The following ROBO2 variants were observed in gnomAD, a reference collection of about 807,000 sequenced individuals.
ROBO2 encodes the protein roundabout guidance receptor 2.
A neutral mutation model predicts 160.8 loss-of-function variants in ROBO2; 53 were observed. The observed-to-expected ratio is 0.33, with a 90% CI of 0.26 to 0.41. The LOEUF is 0.41. ROBO2 is among the 10% of genes least tolerant of loss of function. The probability of loss-of-function intolerance (pLI) is 1.00; values close to 1 mark genes in which losing one functional copy is unlikely to be tolerated. For missense variants in ROBO2, 1,577 were observed against 1,722.4 expected, an observed-to-expected ratio of 0.92 and a Z score of 1.49; for synonymous variants, 664 against 611.7, an observed-to-expected ratio of 1.09 and a Z score of -1.26.
At chr3:76,992,072 A>G (rs1039119587) in intron 2 of ROBO2, among the ~76,000 whole-genome samples, 1 of 152,096 alleles carries the variant, frequency 6.6e-6, no homozygotes, top group Non-Finnish European at 1.5e-5. Context: ...CACCCAGAAC[A>G]TAGACCTTGT....
At chr3:76,946,461 G>A (rs543071295) in intron 2 of ROBO2, among the ~76,000 whole-genome samples, 1 of 151,930 alleles carries the variant, frequency 6.6e-6, no homozygotes, top group African/African-American at 2.4e-5. Context: ...TTTTTGAGAT[G>A]GAGTCTTACT....
chr3:76,527,928 A>G (rs1350484166), intron 2 of ROBO2, among the ~76,000 whole-genome samples: 1 of 152,074 alleles, frequency 6.6e-6, no homozygotes. Flanking sequence ...CTAAGGCAAG[A>G]GTGTGCCTGT....
intron 2 of ROBO2, among the ~76,000 whole-genome samples, chr3:77,009,708 A>G (rs1168718320): frequency 6.6e-6 from 1 of 152,090 alleles, no homozygotes; most frequent in Non-Finnish European, 1.5e-5. Flanking sequence ...CCATAATCCC[A>G]GCACTTTGGG....
intron 2 of ROBO2, among the ~76,000 whole-genome samples, chr3:76,271,541 T>C (rs1429530192): frequency 6.7e-6 from 1 of 150,278 alleles, no homozygotes; most frequent in East Asian, 1.9e-4. Context: ...ATAATACCTG[T>C]CACTCTGCAA....
intron 2 of ROBO2, among the ~76,000 whole-genome samples, chr3:77,138,682 G>T (rs958308051): frequency 1.3e-5 from 2 of 151,948 alleles, no homozygotes; most frequent in Non-Finnish European, 2.9e-5. Flanking sequence ...TTAATGTTCC[G>T]TTTTAGTTCT....
At chr3:76,224,438 A>G (rs1057378080) in intron 2 of ROBO2, among the ~76,000 whole-genome samples, 1 of 152,136 alleles carries the variant, frequency 6.6e-6, no homozygotes, top group Admixed American at 6.5e-5. Context: ...GCTCAAGAAG[A>G]TGGAGAAAAT....
At chr3:77,175,624 C>G (rs868388103) in intron 2 of ROBO2, among the ~76,000 whole-genome samples, 11 of 151,876 alleles carry the variant, frequency 7.2e-5, no homozygotes, top group Middle Eastern at 6.3e-3. Flanking sequence ...AAGCCTAAAT[C>G]AGGAAGGTGA....
Position 76,086,218 on chromosome 3 carries a change from G to T in ROBO2, c.109+148616G>T, listed in dbSNP as rs1168882417. 5.3e-5 allele frequency among the ~76,000 whole-genome samples: 8 copies of T among 152,206 alleles called. No homozygotes were observed. In the East Asian group the frequency reaches 1.5e-3, roughly 29 times the overall value. ...GGGAAGCAAACACATCTTTCTTCAT[G>T]TGGTGGCAGCAAGAAGTGAAAGCGA... On this transcript the variant is annotated intron_variant, in intron 2 of 26. Transcript: ENST00000487694.
chr3:77,177,907 C>T (rs951701763), intron 2 of ROBO2, among the ~76,000 whole-genome samples: 2 of 152,020 alleles, frequency 1.3e-5, no homozygotes, highest in African/African-American at 4.8e-5. Context: ...TTATGCTTCC[C>T]ATTCATACTT....
At chr3:77,480,860 G>A (rs369635250) in intron 3 of ROBO2, among the ~76,000 whole-genome samples, 13 of 152,180 alleles carry the variant, frequency 8.5e-5, no homozygotes, top group South Asian at 4.1e-4. Context: ...CTCAAAATGC[G>A]ATCAGGAAAG....
Position 76,735,759 on chromosome 3 carries a change from CAAAA to C in ROBO2, c.110-362242_110-362239del, listed in dbSNP as rs60229835. ...AGGGTGACGGAGGGAGACCCTGTCT[CAAAA>C]AAAAAAAAAAAAGAAAAAAAAAAGG... On this transcript the variant is annotated intron_variant, in intron 2 of 26. Coordinates refer to the ROBO2 transcript ENST00000487694. Among the ~76,000 whole-genome samples, 335 of 43,818 alleles carry C rather than the reference CAAAA, an allele frequency of 7.6e-3. 7 individuals carry two copies. Among genetic ancestry groups the C allele is most frequent in the African/African-American group, 0.032 (307 of 9,670 alleles). The allele number at this position is 43,818 out of a possible 152,430, so 28.7% of individuals were successfully genotyped here.
chr3:76,211,735 A>G (rs986409), intron 2 of ROBO2, among the ~76,000 whole-genome samples: 92,467 of 151,822 alleles, frequency 0.61, 28,463 homozygotes, highest in African/African-American at 0.67. Context: ...ACACTGTTTT[A>G]TTTCATAATT....
intron 2 of ROBO2, among the ~76,000 whole-genome samples, chr3:76,855,165 C>T (rs2148571147): frequency 6.6e-6 from 1 of 152,304 alleles, no homozygotes; most frequent in East Asian, 1.9e-4. Flanking sequence ...TATGGTTTCT[C>T]ATTTCTAAGC....
chr3:76,142,906 G>A (rs958130509), intron 2 of ROBO2, among the ~76,000 whole-genome samples: 8 of 151,678 alleles, frequency 5.3e-5, no homozygotes, highest in Non-Finnish European at 8.8e-5. Flanking sequence ...AAACATCTTC[G>A]CATGCCTCAT....
At chr3:76,996,029 G>T in intron 2 of ROBO2, among the ~76,000 whole-genome samples, 1 of 152,150 alleles carries the variant, frequency 6.6e-6, no homozygotes, top group Non-Finnish European at 1.5e-5. Context: ...CCTTGCCCAT[G>T]CCTATGTCCT....
At chr3:77,076,247 G>A (rs868812940) in intron 1 of ROBO2, among the ~76,000 whole-genome samples, 2 of 151,856 alleles carry the variant, frequency 1.3e-5, no homozygotes, top group Non-Finnish European at 2.9e-5. Flanking sequence ...GATGGTTATT[G>A]TCCATTTTAG....
intron 2 of ROBO2, among the ~76,000 whole-genome samples, chr3:77,415,883 T>C (rs2077176061): frequency 6.6e-6 from 1 of 152,196 alleles, no homozygotes; most frequent in African/African-American, 2.4e-5. Context: ...TTACAGCTTA[T>C]TCATGTTACA....
intron 2 of ROBO2, among the ~76,000 whole-genome samples, chr3:76,258,085 T>A (rs1706516825): frequency 6.6e-6 from 1 of 152,066 alleles, no homozygotes; most frequent in Non-Finnish European, 1.5e-5. Flanking sequence ...TAGTTTTTTT[T>A]ATCCTAACAT....
intron 2 of ROBO2, among the ~76,000 whole-genome samples, chr3:77,322,525 G>A (rs1222978444): frequency 6.6e-6 from 1 of 151,766 alleles, no homozygotes; most frequent in Non-Finnish European, 1.5e-5. Context: ...AAAGGAACAT[G>A]ATACAAGCTC....
Sources: gnomAD v4.1 joint callset for allele counts (sites outside exome capture counted in the v4.1 genomes callset) on GRCh38, gnomAD v4.1.1 for gene constraint, MANE v1.5 for transcripts, NCBI Gene and HGNC (gene_info 2026-07-23, HGNC 2026-07-21) for gene names.